The following HEMK2 variants were observed in gnomAD, a reference collection of about 807,000 sequenced individuals.
HEMK2 encodes methyltransferase HEMK2.
chr21:28,855,012 C>A, the HEMK2 span, among the ~76,000 whole-genome samples: 6 of 152,248 alleles, frequency 3.9e-5, no homozygotes, highest in Admixed American at 2.6e-4. Flanking sequence ...TTCACACATA[C>A]CAACACCAAC....
chr21:28,642,647 CT>C, the HEMK2 span, among the ~76,000 whole-genome samples: 1 of 152,168 alleles, frequency 6.6e-6, no homozygotes, highest in Admixed American at 6.5e-5. Context: ...ATGCGGAAGA[CT>C]TTACTGAGCG....
At chr21:28,616,417 T>C in the HEMK2 span, among the ~76,000 whole-genome samples, 1 of 152,212 alleles carries the variant, frequency 6.6e-6, no homozygotes, top group Non-Finnish European at 1.5e-5. Flanking sequence ...CTAAAATGTA[T>C]GAGCTAAAGA....
the HEMK2 span, among the ~76,000 whole-genome samples, chr21:28,845,552 C>G: frequency 6.6e-6 from 1 of 152,030 alleles, no homozygotes; most frequent in Non-Finnish European, 1.5e-5. Flanking sequence ...TATTTCTATT[C>G]AATGTGATAT....
chr21:28,632,508 T>A, the HEMK2 span, among the ~76,000 whole-genome samples: 1 of 152,232 alleles, frequency 6.6e-6, no homozygotes, highest in African/African-American at 2.4e-5. Context: ...TTATTCTCAG[T>A]AACAGCATAA....
chr21:28,577,591 C>T, the HEMK2 span, among the ~76,000 whole-genome samples: 2 of 152,166 alleles, frequency 1.3e-5, no homozygotes, highest in African/African-American at 4.8e-5. Flanking sequence ...CCATCCTCAA[C>T]AATTTACTTT....
At chr21:28,578,538 G>A in the HEMK2 span, among the ~76,000 whole-genome samples, 1 of 152,228 alleles carries the variant, frequency 6.6e-6, no homozygotes, top group South Asian at 2.1e-4. Context: ...GGGGAACAGA[G>A]TGAACAATCA....
chr21:28,776,547 G>A, the HEMK2 span, among the ~76,000 whole-genome samples: 4 of 152,148 alleles, frequency 2.6e-5, no homozygotes, highest in Admixed American at 1.3e-4. Flanking sequence ...TATATGAAGG[G>A]GAGTTTATTA....
At chr21:28,809,215 T>A in the HEMK2 span, among the ~76,000 whole-genome samples, 1 of 150,320 alleles carries the variant, frequency 6.7e-6, no homozygotes, top group South Asian at 2.1e-4. Context: ...GTCAAATTAG[T>A]GGTAGGAAAG....
chr21:28,767,449 G>C, the HEMK2 span, among the ~76,000 whole-genome samples: 1 of 151,820 alleles, frequency 6.6e-6, no homozygotes, highest in Non-Finnish European at 1.5e-5. Flanking sequence ...TTATGTTCTT[G>C]AAAAATTATT....
the HEMK2 span, among the ~76,000 whole-genome samples, chr21:28,850,746 C>T: frequency 6.6e-6 from 1 of 152,116 alleles, no homozygotes; most frequent in Non-Finnish European, 1.5e-5. Context: ...AGTCAGGGTT[C>T]TCTAGAGGGA....
At chr21:28,731,928 A>G in the HEMK2 span, among the ~76,000 whole-genome samples, 1 of 152,226 alleles carries the variant, frequency 6.6e-6, no homozygotes, top group Non-Finnish European at 1.5e-5. Flanking sequence ...AGTAGCTGGT[A>G]GCCCACACAG....
chr21:28,738,454 G>C, the HEMK2 span, among the ~76,000 whole-genome samples: 1 of 152,204 alleles, frequency 6.6e-6, no homozygotes, highest in African/African-American at 2.4e-5. Context: ...GGCAAGGAAG[G>C]GGGAAAGGGT....
chr21:28,632,148 T>C, the HEMK2 span, among the ~76,000 whole-genome samples: 1 of 151,754 alleles, frequency 6.6e-6, no homozygotes, highest in Non-Finnish European at 1.5e-5. Context: ...GAATTATCTC[T>C]GTACAATATA....
At chr21:28,840,442 A>G in the HEMK2 span, among the ~76,000 whole-genome samples, 1 of 152,224 alleles carries the variant, frequency 6.6e-6, no homozygotes, top group African/African-American at 2.4e-5. Flanking sequence ...CACAAGTGGG[A>G]GAAAATCTTC....
chr21:28,688,974 T>C, the HEMK2 span, among the ~76,000 whole-genome samples: 9 of 152,170 alleles, frequency 5.9e-5, no homozygotes, highest in Admixed American at 2.0e-4. Flanking sequence ...CAGAGTTAAA[T>C]ATCTGCAACA....
chr21:28,805,026 A>G, the HEMK2 span, among the ~76,000 whole-genome samples: 1 of 152,206 alleles, frequency 6.6e-6, no homozygotes, highest in Non-Finnish European at 1.5e-5. Context: ...GGGCCCAGGA[A>G]TCTGTGTTTT....
At chr21:28,839,756 T>A in the HEMK2 span, among the ~76,000 whole-genome samples, 3 of 152,212 alleles carry the variant, frequency 2.0e-5, no homozygotes, top group African/African-American at 7.2e-5. Flanking sequence ...TGCTCATGGA[T>A]AGGCAGAATC....
At chr21:28,647,950 G>C in the HEMK2 span, among the ~76,000 whole-genome samples, 1 of 152,204 alleles carries the variant, frequency 6.6e-6, no homozygotes, top group African/African-American at 2.4e-5. Flanking sequence ...GACCATTATG[G>C]GGGATAGTGA....
chr21:28,881,795 C>T, the HEMK2 span, among the ~76,000 whole-genome samples: 1 of 152,028 alleles, frequency 6.6e-6, no homozygotes, highest in East Asian at 1.9e-4. Context: ...CCATGTCCAG[C>T]TATTTTTTTA....
Sources: allele counts gnomAD v4.1 joint callset (sites outside exome capture counted in the v4.1 genomes callset), GRCh38; gene constraint gnomAD v4.1.1; transcripts MANE v1.5; gene names NCBI Gene and HGNC (gene_info 2026-07-23, HGNC 2026-07-21).